The following MAGI2 variants were observed in gnomAD, a reference collection of about 807,000 sequenced individuals.
MAGI2 encodes the protein membrane associated guanylate kinase, WW and PDZ domain containing 2.
A neutral mutation model predicts 133.3 loss-of-function variants in MAGI2; 35 were observed. The observed-to-expected ratio is 0.26, with a 90% CI of 0.20 to 0.35. The LOEUF (loss-of-function observed/expected upper bound fraction) is 0.35. Ranked by LOEUF, MAGI2 falls within the 10% of genes least tolerant of loss-of-function variation. The pLI is 1.00. For synonymous variants in MAGI2, 729 were observed against 710.6 expected, an observed-to-expected ratio of 1.03 and a Z score of -0.41; for missense variants, 1,636 against 1,863.4, an observed-to-expected ratio of 0.88 and a Z score of 2.25.
chr7:78,042,764 G>T (rs1167320637), intron 21 of MAGI2, among the ~76,000 whole-genome samples: 4 of 152,198 alleles, frequency 2.6e-5, no homozygotes, highest in Admixed American at 6.5e-5. Flanking sequence ...TGCTCTGAAG[G>T]CCTCGGACTG....
At chr7:78,283,861 A>G (rs1795874083) in intron 9 of MAGI2, among the ~76,000 whole-genome samples, 1 of 152,162 alleles carries the variant, frequency 6.6e-6, no homozygotes, top group Non-Finnish European at 1.5e-5. Context: ...GGTATTTTAA[A>G]TGTCAGTGAG....
At chr7:78,230,007 C>T (rs900496090) in intron 10 of MAGI2, among the ~76,000 whole-genome samples, 1 of 152,234 alleles carries the variant, frequency 6.6e-6, no homozygotes, top group Non-Finnish European at 1.5e-5. Context: ...CCTACGTTAA[C>T]TGTTAGTAAA....
chr7:78,889,790 A>G (rs1281837876), intron 2 of MAGI2, among the ~76,000 whole-genome samples: 2 of 152,214 alleles, frequency 1.3e-5, no homozygotes, highest in Non-Finnish European at 2.9e-5. Context: ...AATTGTGAAG[A>G]CCATTGAGGC....
rs141178454 is a variant in MAGI2, at chr7:78,259,397, T to C, written c.1409-2816A>G. 7.0e-3 allele frequency among the ~76,000 whole-genome samples: 1,069 copies of C among 152,298 alleles called. 29 individuals are homozygous for C. The highest frequency in any genetic ancestry group is 0.062 in the East Asian group (323 of 5,180). ...GCTTCAATCCTCTGTGACTCAGATT[T>C]TTTAGAAGTAATGATGAACAATAGT... On this transcript the variant is annotated intron_variant, in intron 9 of 21. Coordinates refer to ENST00000354212, the MANE Select transcript of MAGI2 (RefSeq NM_012301.4).
At position 79,370,514 on chromosome 7, in the gene MAGI2, T is replaced by G. The variant is rs56158992; in HGVS notation, c.301+82506A>C. On this transcript the variant is annotated intron_variant, in intron 1 of 21. Coordinates refer to ENST00000354212, the MANE Select transcript of MAGI2 (RefSeq NM_012301.4). ...CAATAGGGCTACAATGTTTCCATCATAAGCAAGAAAAGTAAAGGATCAATT... is the reference window on the plus strand; with the variant it reads ...CAATAGGGCTACAATGTTTCCATCAGAAGCAAGAAAAGTAAAGGATCAATT... 5.4e-3 allele frequency among the ~76,000 whole-genome samples: 825 copies of G among 152,190 alleles called. 12 individuals are homozygous for G. Among genetic ancestry groups the G allele is most frequent in the African/African-American group, 0.019 (775 of 41,532 alleles).
chr7:79,151,197 T>A (rs138584602), intron 1 of MAGI2, among the ~76,000 whole-genome samples: 1 of 152,172 alleles, frequency 6.6e-6, no homozygotes, highest in Non-Finnish European at 1.5e-5. Context: ...ATTCAAGAAA[T>A]GCTTTTTTAT....
At chr7:78,059,253 G>A (rs898169846) in intron 21 of MAGI2, among the ~76,000 whole-genome samples, 1 of 152,072 alleles carries the variant, frequency 6.6e-6, no homozygotes, top group African/African-American at 2.4e-5. Context: ...GCCTCTGTGG[G>A]TATTTTTCAA....
At chr7:78,611,337 A>G (rs556233770) in intron 3 of MAGI2, among the ~76,000 whole-genome samples, 3 of 152,320 alleles carry the variant, frequency 2.0e-5, no homozygotes, top group East Asian at 3.9e-4. Context: ...AGAACAAATC[A>G]CATTCCTATA....
chr7:78,046,932 A>G (rs907073185), intron 21 of MAGI2, among the ~76,000 whole-genome samples: 1 of 152,258 alleles, frequency 6.6e-6, no homozygotes, highest in Non-Finnish European at 1.5e-5. Context: ...AAAGTCATAT[A>G]TTACATGTTG....
At chr7:79,320,178 C>T (rs985939689) in intron 1 of MAGI2, among the ~76,000 whole-genome samples, 3 of 152,120 alleles carry the variant, frequency 2.0e-5, no homozygotes. Flanking sequence ...AAGAATGTTA[C>T]TTTATAGTAC....
At chr7:79,415,984 C>T (rs7785706) in intron 1 of MAGI2, among the ~76,000 whole-genome samples, 36,589 of 151,888 alleles carry the variant, frequency 0.24, 5,638 homozygotes, top group African/African-American at 0.42. Context: ...TTAGACTATT[C>T]GACAGCAAGA....
intron 1 of MAGI2, among the ~76,000 whole-genome samples, chr7:79,255,222 A>G (rs1183000583): frequency 6.6e-6 from 1 of 152,192 alleles, no homozygotes. Context: ...ATCCTTTGTC[A>G]TGGTCTATTT....
intron 6 of MAGI2, among the ~76,000 whole-genome samples, chr7:78,407,920 C>A (rs1027942456): frequency 1.3e-5 from 2 of 151,638 alleles, no homozygotes; most frequent in African/African-American, 2.4e-5. Flanking sequence ...ACCAGACAGA[C>A]CCCTCCTCGG....
chr7:78,552,304 C>T (rs1317947269), intron 3 of MAGI2, among the ~76,000 whole-genome samples: 1 of 151,544 alleles, frequency 6.6e-6, no homozygotes, highest in Non-Finnish European at 1.5e-5. Context: ...CTGACTCAGC[C>T]TTCCAAGTAG....
intron 12 of MAGI2, among the ~76,000 whole-genome samples, chr7:78,186,972 C>T (rs930286302): frequency 2.6e-5 from 4 of 152,070 alleles, no homozygotes; most frequent in African/African-American, 9.7e-5. Context: ...TGTATGCAAA[C>T]CTCTGGTCAA....
chr7:78,273,018 G>T (rs1481318471), intron 9 of MAGI2, among the ~76,000 whole-genome samples: 7 of 152,174 alleles, frequency 4.6e-5, no homozygotes, highest in Admixed American at 4.6e-4. Flanking sequence ...GTTTGTTGAT[G>T]CAGTTTCTTC....
chr7:79,261,755 G>A (rs1834109058), intron 1 of MAGI2, among the ~76,000 whole-genome samples: 1 of 152,092 alleles, frequency 6.6e-6, no homozygotes, highest in African/African-American at 2.4e-5. Flanking sequence ...ACAATTTAAA[G>A]ATCTCTAAAT....
At chr7:78,677,685 C>A (rs1055087959) in intron 2 of MAGI2, among the ~76,000 whole-genome samples, 4 of 152,042 alleles carry the variant, frequency 2.6e-5, no homozygotes, top group African/African-American at 7.2e-5. Flanking sequence ...TATGGATTTA[C>A]TGGGGATTCT....
At chr7:79,115,498 G>A (rs1819312818) in intron 1 of MAGI2, among the ~76,000 whole-genome samples, 1 of 152,144 alleles carries the variant, frequency 6.6e-6, no homozygotes, top group South Asian at 2.1e-4. Flanking sequence ...ACAGGATCTT[G>A]TCACTAGTTT....
Sources: allele counts gnomAD v4.1 joint callset (sites outside exome capture counted in the v4.1 genomes callset), GRCh38; gene constraint gnomAD v4.1.1; transcripts MANE v1.5; gene names NCBI Gene and HGNC (gene_info 2026-07-23, HGNC 2026-07-21).